Variants in C3 observed in about 807,000 individuals in gnomAD.
C3 encodes complement C3.
A neutral mutation model predicts 207.9 loss-of-function variants in C3; 97 were observed. The ratio of observed to expected loss-of-function variants is 0.47; its 90% CI spans 0.40 to 0.55. The LOEUF (loss-of-function observed/expected upper bound fraction) is 0.55. Ranked by LOEUF, C3 falls within the 20% of genes least tolerant of loss-of-function variation. The probability of loss-of-function intolerance (pLI) is 0.00; values close to 1 mark genes in which losing one functional copy is unlikely to be tolerated. For synonymous variants in C3, 848 were observed against 857.6 expected (o/e 0.99, Z 0.20); for missense variants, 1,684 against 2,171.7 (o/e 0.78, Z 4.46).
intron 27 of C3, among the ~76,000 whole-genome samples, chr19:6,690,146 T>G (rs1298077278): frequency 6.6e-6 from 1 of 152,196 alleles, no homozygotes; most frequent in Non-Finnish European, 1.5e-5. Flanking sequence ...GAGTCACGGA[T>G]CCCTTTGAAA....
At chr19:6,706,873 A>T (rs528893687) in intron 17 of C3, among the ~76,000 whole-genome samples, 2 of 104,608 alleles carry the variant, frequency 1.9e-5, no homozygotes, top group Non-Finnish European at 3.6e-5. Flanking sequence ...CCTCAGACGG[A>T]GGTTTCCTCC....
intron 36 of C3, 94 bp from the exon 37 acceptor site, chr19:6,679,590 A>G (rs113662527): frequency 1.2e-6 from 1 of 853,050 alleles, no homozygotes; most frequent in Non-Finnish European, 2.0e-6. Context: ...CAGTCTTCAG[A>G]CCTGGAGATG....
intron 33 of C3, chr19:6,683,446 A>G (rs1160851042): frequency 1.1e-5 from 1 of 93,430 alleles, no homozygotes; most frequent in African/African-American, 4.4e-5. Flanking sequence ...GTTTTATTCT[A>G]TTTTTTTTTT....
At chr19:6,720,251 A>G (rs987731648) in intron 1 of C3, among the ~76,000 whole-genome samples, 2 of 152,092 alleles carry the variant, frequency 1.3e-5, no homozygotes, top group Non-Finnish European at 2.9e-5. Flanking sequence ...TGGATTCCAC[A>G]AACACCCAAC....
chr19:6,679,777 A>C (rs1159189403), intron 36 of C3, among the ~76,000 whole-genome samples: 1 of 151,472 alleles, frequency 6.6e-6, no homozygotes, highest in Non-Finnish European at 1.5e-5. Flanking sequence ...TATATCTAGA[A>C]TCCTTAGACC....
At position 6,719,228 on chromosome 19, in the gene C3, C is replaced by T. The variant is rs1433338521; in HGVS notation, c.250G>A (p.Gly84Ser). Residue 84 changes from glycine to serine, a missense_variant, in exon 2 of 41, where the codon GGC becomes AGC. Gly to Ser is a moderately conservative substitution (Grantham distance 56). Coordinates refer to ENST00000245907, the MANE Select transcript of C3 (RefSeq NM_000064.4). The surrounding 1 kb of genome is among the most constrained non-coding windows in gnomAD (Gnocchi z 5.4). ...TVLTPATNHM[G>S]NVTFTIPANR... Reference sequence around the variant, plus strand: ...GCACTCACCGTGAAGGTGACGTTGCCCATGTGGTTGGTGGCAGGGGTCAGC... The same window carrying T: ...GCACTCACCGTGAAGGTGACGTTGCTCATGTGGTTGGTGGCAGGGGTCAGC... 1 of 1,613,766 alleles carries T rather than the reference C, an allele frequency of 6.2e-7. No homozygotes were observed. Among genetic ancestry groups the T allele is most frequent in the Non-Finnish European group, 8.5e-7 (1 of 1,179,952 alleles).
At position 6,685,091 on chromosome 19, in the gene C3, T is replaced by C; in HGVS notation, c.3866A>G (p.His1289Arg). 1 of 1,614,028 alleles carries C rather than the reference T, an allele frequency of 6.2e-7. No homozygotes were observed. Among genetic ancestry groups the C allele is most frequent in the Non-Finnish European group, 8.5e-7 (1 of 1,179,972 alleles). ...LAQYQKDAPD[H>R]QELNLDVSLQ... ...GGACACATCAAGGTTCAGTTCCTGG[T>C]GGTCAGGGGCGTCCTTTTGGTATTG... Residue 1289 changes from histidine (H) to arginine (R), a missense_variant, in exon 30 of 41, where the codon CAC becomes CGC. By Grantham distance (29) the His-to-Arg change is conservative (BLOSUM62 0). Around this residue, in one of 3 missense-constraint regions of C3, gnomAD observed 1,280 missense variants for 1,739.1 expected, o/e 0.74. Transcript: ENST00000245907.
rs1280952198 is a variant in C3 at position 6,692,944 on chromosome 19, C to T, written c.3370G>A (p.Val1124Met). 3.1e-6 allele frequency: 5 copies of T among 1,614,100 alleles called. No individual in the cohort carries two copies. The highest frequency in any genetic ancestry group is 3.4e-6 in the Non-Finnish European group (4 of 1,180,036). Residue 1124 changes from valine to methionine, a missense_variant, in exon 26 of 41, where the codon GTG becomes ATG. Val to Met is a conservative substitution (Grantham distance 21). Around this residue, in one of 3 missense-constraint regions of C3, gnomAD observed 1,280 missense variants for 1,739.1 expected, o/e 0.74. Coordinates refer to ENST00000245907, the MANE Select transcript of C3 (RefSeq NM_000064.4). ...CTTACAATCATTTCTTGGTGTATCA[C>T]GGGCGCATCCTCCTGGAAGACCCCG... ...PDGVFQEDAP[V>M]IHQEMIGGLR... is the part of the protein sequence containing the mutation.
intron 26 of C3, 151 bp downstream of exon 26, chr19:6,692,773 G>T: frequency 3.2e-6 from 3 of 937,188 alleles, no homozygotes; most frequent in Non-Finnish European, 5.0e-6. Context: ...GACGCCTCTG[G>T]CTCATATATC....
intron 26 of C3, 127 bp downstream of exon 26, chr19:6,692,797 C>T: frequency 3.3e-6 from 4 of 1,200,464 alleles, no homozygotes; most frequent in Non-Finnish European, 4.9e-6. Flanking sequence ...CTGCCCCCAC[C>T]CCCCAGCCCA....
rs1168376784 is a variant in C3 at position 6,678,195 on chromosome 19, G to A, written c.4807C>T (p.Leu1603Phe). 1 of 1,614,106 alleles carries A rather than the reference G, an allele frequency of 6.2e-7. No individual in the cohort carries two copies. Among genetic ancestry groups the A allele is most frequent in the Non-Finnish European group, 8.5e-7 (1 of 1,180,054 alleles). ...ALKLEEKKHY[L>F]MWGLSSDFWG... is the part of the protein sequence containing the mutation. ...AAATCGGAGGAGAGACCCCACATGA[G>A]GTAGTGTTTCTTCTCCTCCAGCTTC... is the stretch of plus-strand genomic sequence containing the variant. The change falls in exon 40 of 41, where the codon CTC becomes TTC. Residue 1603 changes from leucine to phenylalanine, a missense_variant. Physicochemically the swap from Leu to Phe is conservative, Grantham distance 22. This residue lies in a region of C3 where 346 missense variants were observed against 380.1 expected (regional missense o/e 0.91). Transcript: ENST00000245907.
chr19:6,693,862 A>G (rs1157250743), intron 24 of C3, among the ~76,000 whole-genome samples: 1 of 151,910 alleles, frequency 6.6e-6, no homozygotes, highest in Non-Finnish European at 1.5e-5. Context: ...GGCCTTGAGA[A>G]GATGTGGGGA....
intron 17 of C3, among the ~76,000 whole-genome samples, chr19:6,703,499 C>T (rs1207709804): frequency 7.9e-5 from 12 of 151,964 alleles, no homozygotes; most frequent in East Asian, 1.9e-4. Context: ...CCCAGATACT[C>T]GGGAGGCTGA....
intron 24 of C3, among the ~76,000 whole-genome samples, chr19:6,694,190 C>T (rs1237204486): frequency 9.9e-6 from 1 of 100,858 alleles, no homozygotes; most frequent in Non-Finnish European, 2.0e-5. Flanking sequence ...GGTGGGGGGC[C>T]CTCAGGGGAT....
chr19:6,696,786 G>T, intron 21 of C3, 127 bp from the exon 22 acceptor site: 1 of 866,882 alleles, frequency 1.2e-6, no homozygotes, highest in Non-Finnish European at 1.9e-6. Flanking sequence ...TCGTGCCTGT[G>T]ATCCTAGCAC....
At chr19:6,694,187 G>C (rs1918246864) in intron 24 of C3, among the ~76,000 whole-genome samples, 1 of 103,680 alleles carries the variant, frequency 9.6e-6, no homozygotes, top group Non-Finnish European at 2.0e-5. Context: ...AGAGGTGGGG[G>C]GCCCTCAGGG....
rs771246436 is a variant in C3, at chr19:6,719,436, A to C, written c.75-33T>G. Reference sequence around the variant, plus strand: ...AGTGGGGCACGGGAGTGGGCTTGTCATTCCACGGATGTGAGACGCCAGTCC... The same window carrying C: ...AGTGGGGCACGGGAGTGGGCTTGTCCTTCCACGGATGTGAGACGCCAGTCC... On this transcript the variant is annotated intron_variant, in intron 1 of 40. Transcript: ENST00000245907. This position sits in a 1 kb window ranked among gnomAD's most constrained non-coding sequence, Gnocchi z 5.4. The C allele has an allele frequency of 1.3e-6, 2 of 1,597,210 alleles. No homozygotes were observed. Among genetic ancestry groups the C allele is most frequent in the Non-Finnish European group, 1.7e-6 (2 of 1,165,326 alleles).
chr19:6,690,355 G>GTT (rs1568214011), intron 27 of C3, among the ~76,000 whole-genome samples: 1 of 152,194 alleles, frequency 6.6e-6, no homozygotes, highest in Non-Finnish European at 1.5e-5. Flanking sequence ...TTGTGCCTCA[G>GTT]TTTTCTCATC....
intron 4 of C3, chr19:6,717,279 T>C (rs1395986030): frequency 1.3e-5 from 2 of 154,052 alleles, no homozygotes; most frequent in African/African-American, 2.4e-5. Flanking sequence ...TCCGTCATGA[T>C]CCCGATATTC....
Sources: gnomAD v4.1 joint callset for allele counts (sites outside exome capture counted in the v4.1 genomes callset) on GRCh38, gnomAD v4.1.1 for gene constraint, gnomAD v4.1.1 regional missense constraint, Gnocchi (gnomAD v3.1) non-coding constraint, MANE v1.5 for transcripts, NCBI Gene and HGNC (gene_info 2026-07-23, HGNC 2026-07-21) for gene names.